Variants in RILPL1 observed in about 807,000 individuals in gnomAD.
RILPL1 encodes Rab interacting lysosomal protein like 1.
RILPL1 carries 33 observed loss-of-function variants against 50.3 expected under a neutral mutation model. The observed-to-expected ratio is 0.66, with a 90% CI of 0.50 to 0.88. The LOEUF (loss-of-function observed/expected upper bound fraction) is 0.88, where lower values mean the gene tolerates loss of function less well. Ranked by LOEUF, RILPL1 falls within the 40% of genes least tolerant of loss-of-function variation. RILPL1 has a pLI of 0.00. For synonymous variants in RILPL1, 205 were observed against 228.6 expected, an observed-to-expected ratio of 0.90 and a Z score of 0.93; for missense variants, 418 against 542.5, an observed-to-expected ratio of 0.77 and a Z score of 2.28.
At chr12:123,509,538 G>A (rs1883957189) in intron 2 of RILPL1, among the ~76,000 whole-genome samples, 1 of 147,876 alleles carries the variant, frequency 6.8e-6, no homozygotes, top group Non-Finnish European at 1.5e-5. Context: ...ACTCCAGCCC[G>A]AGTAACAAGA....
intron 2 of RILPL1, among the ~76,000 whole-genome samples, 183 bp downstream of exon 2, chr12:123,523,312 C>G (rs1347797457): frequency 6.6e-6 from 1 of 152,200 alleles, no homozygotes; most frequent in East Asian, 1.9e-4. Flanking sequence ...CATCTGTAAA[C>G]TGAGGCTACG....
In RILPL1 at chr12:123,533,114, A is replaced by G; in HGVS notation, c.309+60T>C. On this transcript the variant is annotated intron_variant, in intron 1 of 6. Transcript: ENST00000376874. This position sits in a 1 kb window ranked among gnomAD's most constrained non-coding sequence, Gnocchi z 6.2. ...CGCACCCACAGCTGCCCAATGCGGA[A>G]GAGCCCTTGGGTCCCCGCGGTCCCA... The G allele has an allele frequency of 2.1e-6, 3 of 1,447,898 alleles. No individual in the cohort carries two copies. The highest frequency in any genetic ancestry group is 2.8e-6 in the Non-Finnish European group (3 of 1,087,470). The allele number at this position is 1,447,898 out of a possible 1,614,324, so 89.7% of individuals were successfully genotyped here. A position where few individuals can be genotyped will look rare whatever the true frequency, so the allele number is the denominator to read the frequency against.
Position 123,485,061 on chromosome 12 carries a change from G to T in RILPL1, c.974+572C>A. 2.3e-6 allele frequency: 1 copy of T among 439,668 alleles called. No individual in the cohort carries two copies. The highest frequency in any genetic ancestry group is 4.6e-6 in the Non-Finnish European group (1 of 215,184). The allele number at this position is 439,668 out of a possible 1,614,324, so 27.2% of individuals were successfully genotyped here. A position where few individuals can be genotyped will look rare whatever the true frequency, so the allele number is the denominator to read the frequency against. On this transcript the variant is annotated intron_variant, in intron 5 of 6. Transcript: ENST00000376874. The surrounding 1 kb of genome is among the most constrained non-coding windows in gnomAD (Gnocchi z 4.0). ...CTCTTATCTTCCCCACTGGAGCAGG[G>T]ACCACCTCTGGTGCATGGGTCCTTC...
At chr12:123,475,635 CA>C in intron 6 of RILPL1, 1 of 1,505,512 alleles carries the variant, frequency 6.6e-7, no homozygotes, top group Non-Finnish European at 9.0e-7. Context: ...GCAGCTCAAA[CA>C]AAACCCAAAA....
chr12:123,487,972 T>C (rs997285957), intron 4 of RILPL1, among the ~76,000 whole-genome samples: 2 of 152,140 alleles, frequency 1.3e-5, no homozygotes, highest in African/African-American at 2.4e-5. Context: ...CTTTTGCAAG[T>C]CAGCCAGTCA....
intron 4 of RILPL1, among the ~76,000 whole-genome samples, chr12:123,492,817 T>C (rs1346224633): frequency 6.6e-6 from 1 of 151,508 alleles, no homozygotes; most frequent in Admixed American, 6.6e-5. Flanking sequence ...CACTCAGGGT[T>C]AAATGGATTA....
intron 2 of RILPL1, among the ~76,000 whole-genome samples, chr12:123,520,704 G>A (rs1277443460): frequency 2.0e-5 from 3 of 152,206 alleles, no homozygotes; most frequent in African/African-American, 7.2e-5. Context: ...GCGGCAGGGA[G>A]ACGCAAGCCC....
At chr12:123,530,603 T>C (rs1885411484) in intron 1 of RILPL1, among the ~76,000 whole-genome samples, 1 of 152,240 alleles carries the variant, frequency 6.6e-6, no homozygotes, top group African/African-American at 2.4e-5. Context: ...CCCAGAACAA[T>C]GCATGGCACA....
chr12:123,532,108 A>G (rs570937071), intron 1 of RILPL1, among the ~76,000 whole-genome samples: 6 of 152,274 alleles, frequency 3.9e-5, no homozygotes, highest in African/African-American at 1.2e-4. Flanking sequence ...AAAGTACACA[A>G]TAAGGGATGG....
At chr12:123,492,868 A>G (rs1418232923) in intron 4 of RILPL1, among the ~76,000 whole-genome samples, 1 of 152,206 alleles carries the variant, frequency 6.6e-6, no homozygotes, top group Non-Finnish European at 1.5e-5. Context: ...AGATGCTTGA[A>G]GGCAGCATGC....
At chr12:123,493,375 C>T (rs568896216) in intron 4 of RILPL1, among the ~76,000 whole-genome samples, 7 of 152,310 alleles carry the variant, frequency 4.6e-5, no homozygotes, top group African/African-American at 1.2e-4. Flanking sequence ...ATCCCCCTCT[C>T]GGAGAAACAC....
In RILPL1 at chr12:123,498,050, G is replaced by A. The variant is rs943953128; in HGVS notation, c.801+494C>T. Among the ~76,000 whole-genome samples the A allele has an allele frequency of 6.6e-6, 1 of 152,086 alleles. No individual in the cohort carries two copies. Among genetic ancestry groups the A allele is most frequent in the African/African-American group, 2.4e-5 (1 of 41,398 alleles). On this transcript the variant is annotated intron_variant, in intron 4 of 6. Transcript: ENST00000376874. This position sits in a 1 kb window ranked among gnomAD's most constrained non-coding sequence, Gnocchi z 4.3. Reference sequence around the variant, plus strand: ...TGCTCGCTATTTTATCCTCTGGGCCGGCTACACAGTCAACAATCATTGGTA... The same window carrying A: ...TGCTCGCTATTTTATCCTCTGGGCCAGCTACACAGTCAACAATCATTGGTA...
chr12:123,521,923 C>T (rs866179192), intron 2 of RILPL1, among the ~76,000 whole-genome samples: 2 of 151,800 alleles, frequency 1.3e-5, no homozygotes, highest in South Asian at 2.1e-4. Flanking sequence ...TACAGGCGCC[C>T]GCCTCCAGGC....
At chr12:123,518,231 C>T (rs1276296656) in intron 2 of RILPL1, among the ~76,000 whole-genome samples, 1 of 152,200 alleles carries the variant, frequency 6.6e-6, no homozygotes, top group Non-Finnish European at 1.5e-5. Flanking sequence ...GGGCCGGGTG[C>T]GGTTGCTCAC....
intron 6 of RILPL1, among the ~76,000 whole-genome samples, chr12:123,480,186 G>C (rs986912364): frequency 2.7e-5 from 4 of 149,416 alleles, no homozygotes; most frequent in Admixed American, 6.7e-5. Context: ...TTTTAAATGG[G>C]GTATCGCTCT....
chr12:123,490,839 T>C (rs879844128), intron 4 of RILPL1, among the ~76,000 whole-genome samples: 23 of 151,790 alleles, frequency 1.5e-4, no homozygotes, highest in Admixed American at 3.9e-4. Context: ...CAACCTCTGC[T>C]TCCTGGGTTC....
At chr12:123,486,351 G>A (rs971764647) in intron 4 of RILPL1, among the ~76,000 whole-genome samples, 47 of 152,132 alleles carry the variant, frequency 3.1e-4, no homozygotes, top group Non-Finnish European at 5.6e-4. Context: ...GAAGCCCGGC[G>A]GGGGTGCACA....
intron 2 of RILPL1, chr12:123,513,981 C>T (rs576855286): frequency 6.6e-6 from 1 of 152,120 alleles, no homozygotes; most frequent in Non-Finnish European, 1.5e-5. Flanking sequence ...CACGATGTGC[C>T]GTCGAAAACA....
chr12:123,511,314 G>GAGGTC, intron 2 of RILPL1, among the ~76,000 whole-genome samples: 1 of 144,860 alleles, frequency 6.9e-6, no homozygotes, highest in African/African-American at 2.6e-5. Context: ...GCATCTGTGT[G>GAGGTC]TGTGGTGTGT....
Sources: allele counts gnomAD v4.1 joint callset (sites outside exome capture counted in the v4.1 genomes callset), GRCh38; gene constraint gnomAD v4.1.1; non-coding constraint Gnocchi (gnomAD v3.1); transcripts MANE v1.5; gene names NCBI Gene and HGNC (gene_info 2026-07-23, HGNC 2026-07-21).